The following CLEC12A variants were observed in gnomAD, a reference collection of about 807,000 sequenced individuals.
The protein encoded by CLEC12A is C-type lectin domain family 12 member A, also known as C-type lectin protein CLL-1.
Under a neutral mutation model 26.5 loss-of-function variants are expected in CLEC12A, and 22 were observed. The observed-to-expected ratio is 0.83, with a 90% CI of 0.59 to 1.19. The LOEUF (loss-of-function observed/expected upper bound fraction) is 1.19. CLEC12A is among the 50% of genes most tolerant of loss of function. The pLI is 0.00. For synonymous variants in CLEC12A, 119 were observed against 101.9 expected, an observed-to-expected ratio of 1.17 and a Z score of -1.01; for missense variants, 353 against 315.6, an observed-to-expected ratio of 1.12 and a Z score of -0.90.
exon 1 of CLEC12A, chr12:9,951,348 T>C (rs1863605092): frequency 2.8e-6 from 2 of 702,936 alleles, no homozygotes; most frequent in South Asian, 3.0e-5. Context: ...GACTTCTGCA[T>C]GTGGATAGGT....
At chr12:9,963,854 T>C (rs1395521441) in intron 1 of CLEC12A, among the ~76,000 whole-genome samples, 1 of 152,154 alleles carries the variant, frequency 6.6e-6, no homozygotes, top group Non-Finnish European at 1.5e-5. Flanking sequence ...TCAGAGGTTG[T>C]AATGGGGACT....
chr12:9,987,979 T>C (rs1395060687), downstream of CLEC12A, among the ~76,000 whole-genome samples: 1 of 152,126 alleles, frequency 6.6e-6, no homozygotes, highest in Admixed American at 6.5e-5. Flanking sequence ...TGGCTAATTT[T>C]TGTATTTTTT....
intron 1 of CLEC12A, among the ~76,000 whole-genome samples, chr12:9,976,660 G>A (rs1864349100): frequency 6.6e-6 from 1 of 152,180 alleles, no homozygotes; most frequent in East Asian, 1.9e-4. Context: ...GGACTGTTGG[G>A]AAGGCATGAT....
At chr12:9,957,049 T>C (rs7302029) in intron 1 of CLEC12A, among the ~76,000 whole-genome samples, 47,837 of 152,086 alleles carry the variant, frequency 0.31, 7,970 homozygotes, top group East Asian at 0.47. Flanking sequence ...GTATCTGAGG[T>C]AGGTCTCAAT....
downstream of CLEC12A, among the ~76,000 whole-genome samples, chr12:9,986,641 T>C (rs1864774567): frequency 6.6e-6 from 1 of 152,068 alleles, no homozygotes; most frequent in East Asian, 1.9e-4. Flanking sequence ...TGAAATCCCA[T>C]TTCTACTAAA....
chr12:10,003,679 CA>C, the CLEC12A span, among the ~76,000 whole-genome samples: 2 of 152,060 alleles, frequency 1.3e-5, no homozygotes, highest in Admixed American at 1.3e-4. Flanking sequence ...GTTGGGAGGC[CA>C]AGGTAGGAAG....
chr12:9,961,013 C>T (rs1454561591), intron 1 of CLEC12A, among the ~76,000 whole-genome samples: 1 of 152,198 alleles, frequency 6.6e-6, no homozygotes, highest in African/African-American at 2.4e-5. Flanking sequence ...TGCGAACATG[C>T]ACCCAAGGTG....
downstream of CLEC12A, among the ~76,000 whole-genome samples, chr12:9,987,014 A>G (rs1407592519): frequency 6.6e-6 from 1 of 152,198 alleles, no homozygotes. Context: ...TAAAATCACA[A>G]TCCAAATTTT....
chr12:9,998,137 T>C, downstream of CLEC12A: 1 of 654,040 alleles, frequency 1.5e-6, no homozygotes, highest in Non-Finnish European at 2.8e-6. Flanking sequence ...TCTCCTTTAT[T>C]GAGATTCTCT....
intron 1 of CLEC12A, among the ~76,000 whole-genome samples, chr12:9,965,543 A>G (rs963769347): frequency 2.0e-5 from 3 of 151,698 alleles, no homozygotes; most frequent in African/African-American, 7.3e-5. Context: ...GGAATAGTAA[A>G]GAAAGCATGT....
At chr12:9,973,850 C>T (rs547825893) in intron 1 of CLEC12A, among the ~76,000 whole-genome samples, 1 of 147,102 alleles carries the variant, frequency 6.8e-6, no homozygotes, top group Admixed American at 6.8e-5. Flanking sequence ...TCCTTCTCTG[C>T]TTTTCCTTTT....
chr12:9,988,399 A>G (rs771366125), downstream of CLEC12A, among the ~76,000 whole-genome samples: 8 of 152,238 alleles, frequency 5.3e-5, no homozygotes, highest in Non-Finnish European at 7.3e-5. Context: ...CTGCACAGCA[A>G]AAGAAACTAC....
At chr12:9,988,820 C>T (rs1284496910), downstream of CLEC12A, among the ~76,000 whole-genome samples, 2 of 152,176 alleles carry the variant, frequency 1.3e-5, no homozygotes, top group Non-Finnish European at 2.9e-5. Context: ...CCTCAGGGAT[C>T]TAGAACTAGA....
chr12:9,975,214 G>T (rs149889698), intron 1 of CLEC12A, among the ~76,000 whole-genome samples: 1 of 152,310 alleles, frequency 6.6e-6, no homozygotes, highest in East Asian at 1.9e-4. Flanking sequence ...CTGCTGTAAA[G>T]ATACCCAAAA....
At chr12:9,953,048 T>TTAGCC (rs1863657924) in intron 1 of CLEC12A, 1 of 135,148 alleles carries the variant, frequency 7.4e-6, no homozygotes, top group African/African-American at 3.0e-5. Context: ...GTGAGGAGCG[T>TTAGCC]CTCCGCCCAG....
At chr12:9,998,835 T>C (rs1012781720), downstream of CLEC12A, among the ~76,000 whole-genome samples, 12 of 152,194 alleles carry the variant, frequency 7.9e-5, no homozygotes, top group African/African-American at 2.9e-4. Flanking sequence ...TAATGCAATT[T>C]TCCCTGCACA....
chr12:9,973,391 C>T (rs950328866), intron 1 of CLEC12A, among the ~76,000 whole-genome samples: 7 of 152,162 alleles, frequency 4.6e-5, no homozygotes, highest in African/African-American at 1.7e-4. Context: ...GAGTTGGAGG[C>T]TCTAGTAAGC....
intron 4 of CLEC12A, chr12:9,994,877 T>A: frequency 1.4e-6 from 1 of 707,752 alleles, no homozygotes; most frequent in Non-Finnish European, 2.1e-6. Flanking sequence ...ATGCACACAG[T>A]GTTCCATGGT....
At chr12:9,962,253 CTTTTTTTTTT>C (rs71049021) in intron 1 of CLEC12A, among the ~76,000 whole-genome samples, 2 of 119,228 alleles carry the variant, frequency 1.7e-5, no homozygotes, top group Non-Finnish European at 3.5e-5. Flanking sequence ...CCGGTTTTTT[CTTTTTTTTTT>C]TTTTTTTTGG....
Sources: allele counts gnomAD v4.1 joint callset (sites outside exome capture counted in the v4.1 genomes callset), GRCh38; gene constraint gnomAD v4.1.1; transcripts MANE v1.5; gene names NCBI Gene and HGNC (gene_info 2026-07-23, HGNC 2026-07-21).